RIMS2: variants seen among roughly 807,000 people sequenced by gnomAD.
The protein encoded by RIMS2 is regulating synaptic membrane exocytosis protein 2.
In RIMS2, 59 loss-of-function variants were observed where a neutral mutation model predicts 174.4. That is an observed-to-expected ratio of 0.34 (90% CI 0.27 to 0.42). The LOEUF (loss-of-function observed/expected upper bound fraction) is 0.42, where lower values mean the gene tolerates loss of function less well. RIMS2 is among the 10% of genes least tolerant of loss of function. RIMS2 has a pLI of 1.00. For synonymous variants in RIMS2, 606 were observed against 572.5 expected (o/e 1.06, Z -0.84); for missense variants, 1,620 against 1,666.3 (o/e 0.97, Z 0.48).
intron 1 of RIMS2, among the ~76,000 whole-genome samples, chr8:103,675,973 A>G (rs2096804731): frequency 4.6e-5 from 7 of 152,192 alleles, no homozygotes; most frequent in Admixed American, 3.9e-4. Context: ...CTTAGGTGAA[A>G]AAAAGGTAGA....
chr8:103,830,929 C>T (rs1447463539), intron 3 of RIMS2, among the ~76,000 whole-genome samples: 2 of 152,148 alleles, frequency 1.3e-5, no homozygotes, highest in Non-Finnish European at 2.9e-5. Context: ...CCACCTCAGC[C>T]TCCTGAGTAG....
At chr8:104,134,442 G>A (rs576451395) in intron 19 of RIMS2, among the ~76,000 whole-genome samples, 4 of 152,254 alleles carry the variant, frequency 2.6e-5, no homozygotes, top group Non-Finnish European at 5.9e-5. Context: ...TCCAGCCAGG[G>A]TGACAGAGCG....
At chr8:104,217,092 A>G (rs2099133268) in intron 19 of RIMS2, among the ~76,000 whole-genome samples, 1 of 151,958 alleles carries the variant, frequency 6.6e-6, no homozygotes, top group Admixed American at 6.6e-5. Flanking sequence ...CATTATTTTG[A>G]TCTTTAGAGT....
At chr8:104,249,446 T>G (rs749815874) in intron 21 of RIMS2, 41 bp from the exon 28 acceptor site, 2 of 1,061,904 alleles carry the variant, frequency 1.9e-6, no homozygotes, top group Non-Finnish European at 2.9e-6. Context: ...CTTAGTGCAT[T>G]TGTATATTAA....
intron 1 of RIMS2, among the ~76,000 whole-genome samples, chr8:103,657,129 C>A (rs199662016): frequency 6.6e-6 from 1 of 152,190 alleles, no homozygotes; most frequent in East Asian, 1.9e-4. Context: ...TTTAGATTTT[C>A]CGCCTCACCT....
At chr8:103,891,268 T>C (rs781190181) in intron 4 of RIMS2, among the ~76,000 whole-genome samples, 1 of 152,066 alleles carries the variant, frequency 6.6e-6, no homozygotes, top group Admixed American at 6.6e-5. Flanking sequence ...ATGTAAAATA[T>C]ATATTTCTTT....
At chr8:104,094,302 A>G (rs751042099) in intron 19 of RIMS2, among the ~76,000 whole-genome samples, 1 of 152,114 alleles carries the variant, frequency 6.6e-6, no homozygotes, top group Non-Finnish European at 1.5e-5. Flanking sequence ...AGTGCTATTT[A>G]TACAGTGCTT....
rs139808793 is a variant in RIMS2 at position 104,074,706 on chromosome 8, G to A, written c.3334+60091G>A. Among the ~76,000 whole-genome samples the A allele has an allele frequency of 3.4e-4, 52 of 152,060 alleles. 1 individual carries two copies. The highest frequency in any genetic ancestry group is 1.2e-3 in the African/African-American group (50 of 41,498). On this transcript the variant is annotated intron_variant, in intron 19 of 23. Coordinates refer to ENST00000504942, the Ensembl canonical transcript of RIMS2. ...ATATGAAGATTTTTTTTAATTAAAG[G>A]AGACTGGAACATAATATGTGATGAA...
At chr8:104,035,034 T>C (rs1428765663) in intron 19 of RIMS2, among the ~76,000 whole-genome samples, 3 of 152,188 alleles carry the variant, frequency 2.0e-5, no homozygotes, top group Non-Finnish European at 4.4e-5. Flanking sequence ...CAATTTTGCC[T>C]ATTCTCCAAA....
chr8:103,832,574 T>C (rs1364018966), intron 3 of RIMS2, among the ~76,000 whole-genome samples: 1 of 152,128 alleles, frequency 6.6e-6, no homozygotes, highest in African/African-American at 2.4e-5. Flanking sequence ...TTTGTGTTGT[T>C]CGCCTCTATG....
At chr8:104,239,216 T>A (rs975245112) in intron 19 of RIMS2, among the ~76,000 whole-genome samples, 1 of 152,220 alleles carries the variant, frequency 6.6e-6, no homozygotes, top group Non-Finnish European at 1.5e-5. Flanking sequence ...AAAGGTTTTC[T>A]GGTTTCCAGA....
intron 19 of RIMS2, among the ~76,000 whole-genome samples, chr8:104,103,448 T>C (rs2097950920): frequency 6.6e-6 from 1 of 152,196 alleles, no homozygotes; most frequent in Non-Finnish European, 1.5e-5. Flanking sequence ...GGAGAATCTA[T>C]AGTCTATGTT....
At chr8:103,919,409 C>A (rs2077191914) in intron 9 of RIMS2, among the ~76,000 whole-genome samples, 1 of 151,466 alleles carries the variant, frequency 6.6e-6, no homozygotes, top group Non-Finnish European at 1.5e-5. Context: ...ATTGCATAGT[C>A]TATATAACCC....
chr8:103,761,236 A>G (rs181975845), intron 2 of RIMS2, among the ~76,000 whole-genome samples: 69 of 152,346 alleles, frequency 4.5e-4, no homozygotes, highest in Admixed American at 2.9e-3. Context: ...ACAACACCGA[A>G]GCTCTTTCAT....
In RIMS2 at chr8:103,610,278, G is replaced by A. The variant is rs183816613; in HGVS notation, c.177-86808G>A. Among the ~76,000 whole-genome samples the A allele has an allele frequency of 1.2e-4, 19 of 152,196 alleles. No individual in the cohort carries two copies. In the East Asian group the frequency reaches 2.3e-3, roughly 19 times the overall value. On this transcript the variant is annotated intron_variant, in intron 1 of 23. Coordinates refer to ENST00000504942, the Ensembl canonical transcript of RIMS2. ...GATATAGAACTATGTCATATGCAAA[G>A]GGGATAGTTTGACTTTCTGTCTTCC... is the stretch of plus-strand genomic sequence containing the variant.
intron 5 of RIMS2, 72 bp downstream of exon 8, chr8:103,910,601 A>T: frequency 1.2e-6 from 1 of 847,318 alleles, no homozygotes; most frequent in Non-Finnish European, 1.9e-6. Context: ...ACTCATTAAA[A>T]CAGAACATAA....
intron 19 of RIMS2, among the ~76,000 whole-genome samples, chr8:104,053,783 A>G (rs1193829339): frequency 2.0e-5 from 3 of 152,142 alleles, no homozygotes; most frequent in Admixed American, 6.6e-5. Context: ...ACCAGAACCC[A>G]TGTCCTTAAC....
At chr8:103,758,123 A>T (rs1336000760) in intron 2 of RIMS2, among the ~76,000 whole-genome samples, 1 of 152,162 alleles carries the variant, frequency 6.6e-6, no homozygotes, top group African/African-American at 2.4e-5. Context: ...ATAGCTATCT[A>T]GAGTTAGATA....
chr8:103,770,077 C>A (rs1210700827), intron 3 of RIMS2, among the ~76,000 whole-genome samples: 2 of 152,082 alleles, frequency 1.3e-5, no homozygotes, highest in Admixed American at 1.3e-4. Context: ...TTATCTATAG[C>A]CAGTATTGAG....
Sources: allele counts gnomAD v4.1 joint callset (sites outside exome capture counted in the v4.1 genomes callset), GRCh38; gene constraint gnomAD v4.1.1; transcripts MANE v1.5; gene names NCBI Gene and HGNC (gene_info 2026-07-23, HGNC 2026-07-21).